Variants in VSTM4 observed in about 807,000 individuals in gnomAD.
VSTM4 encodes the protein V-set and transmembrane domain-containing protein 4.
In VSTM4, 20 loss-of-function variants were observed where a neutral mutation model predicts 36.4. That is an observed-to-expected ratio of 0.55 (90% CI 0.39 to 0.80). VSTM4 has a LOEUF of 0.80. Ranked by LOEUF, VSTM4 falls within the 30% of genes least tolerant of loss-of-function variation. The probability of loss-of-function intolerance (pLI) is 0.00; values close to 1 mark genes in which losing one functional copy is unlikely to be tolerated. For missense variants in VSTM4, 392 were observed against 404.5 expected, an observed-to-expected ratio of 0.97 and a Z score of 0.26; for synonymous variants, 182 against 173.9, an observed-to-expected ratio of 1.05 and a Z score of -0.37.
chr10:49,036,483 A>T (rs1198754617), intron 7 of VSTM4, among the ~76,000 whole-genome samples: 2 of 152,310 alleles, frequency 1.3e-5, no homozygotes, highest in African/African-American at 4.8e-5. Flanking sequence ...TTTCATGTAA[A>T]ATTTAACTGA....
At chr10:49,025,945 G>C (rs1292256950) in intron 7 of VSTM4, among the ~76,000 whole-genome samples, 2 of 152,232 alleles carry the variant, frequency 1.3e-5, no homozygotes, top group African/African-American at 4.8e-5. Context: ...TTCATGCTGG[G>C]GATGTAAGGA....
rs999918815 is a variant in VSTM4 at position 49,015,841 on chromosome 10, T to C, written c.*3809A>G. ...GCATGCAAGTGGCATGGCTCTTTTT[T>C]GTTACCACGCTGTTCCCTTCCACTT... On this transcript the variant is annotated 3_prime_UTR_variant, in exon 8 of 8. Transcript: ENST00000332853. 1 of 152,292 alleles carries C rather than the reference T, an allele frequency of 6.6e-6. No homozygotes were observed. The highest frequency in any genetic ancestry group is 1.5e-5 in the Non-Finnish European group (1 of 68,090). 9.4% of individuals were successfully genotyped at this position (152,292 alleles called of 1,614,324 possible).
chr10:49,036,109 T>C (rs1465472552), intron 7 of VSTM4, among the ~76,000 whole-genome samples: 2 of 152,174 alleles, frequency 1.3e-5, no homozygotes, highest in Non-Finnish European at 2.9e-5. Context: ...AGAGATATGA[T>C]CTTGATCACA....
rs1045101903 is a variant in VSTM4, at chr10:49,044,403, AAAAG to A, written c.837+2576_837+2579del. Among the ~76,000 whole-genome samples the A allele has an allele frequency of 4.6e-5, 7 of 151,322 alleles. No homozygotes were observed. In the East Asian group the frequency reaches 9.7e-4, roughly 21 times the overall value. ...GGAAGGAAGGAGAGAGAGAGAAAGAAAAAGAAAGAGAGAAAGAAAGAAAAAGAAA... is the reference window on the plus strand; with the variant it reads ...GGAAGGAAGGAGAGAGAGAGAAAGAAAAAGAGAGAAAGAAAGAAAAAGAAA... On this transcript the variant is annotated intron_variant, in intron 7 of 7. Coordinates refer to ENST00000332853, the MANE Select transcript of VSTM4 (RefSeq NM_001031746.5).
intron 5 of VSTM4, among the ~76,000 whole-genome samples, chr10:49,050,137 C>T (rs1181988404): frequency 6.6e-6 from 1 of 152,146 alleles, no homozygotes; most frequent in African/African-American, 2.4e-5. Context: ...TACGTGTGTC[C>T]TGATAAGGAA....
chr10:49,093,810 AGATCT>A (rs565768388), intron 2 of VSTM4, among the ~76,000 whole-genome samples: 59 of 146,366 alleles, frequency 4.0e-4, no homozygotes, highest in African/African-American at 1.5e-3. Context: ...TGCAGTGGCA[AGATCT>A]AGGTTCGCTG....
chr10:49,041,655 C>T (rs1843523636), intron 7 of VSTM4, among the ~76,000 whole-genome samples: 1 of 152,158 alleles, frequency 6.6e-6, no homozygotes, highest in South Asian at 2.1e-4. Context: ...AAAAGATTTT[C>T]ATGTTTAATG....
At chr10:49,086,661 T>C (rs1844376116) in intron 2 of VSTM4, among the ~76,000 whole-genome samples, 1 of 152,190 alleles carries the variant, frequency 6.6e-6, no homozygotes, top group South Asian at 2.1e-4. Flanking sequence ...GGTAACATCA[T>C]CATAGGTAAA....
chr10:49,115,048 G>A (rs1045813157), intron 1 of VSTM4, among the ~76,000 whole-genome samples: 2 of 152,178 alleles, frequency 1.3e-5, no homozygotes, highest in South Asian at 2.1e-4. Flanking sequence ...TTGCTGCTCC[G>A]AGGAATCTGC....
chr10:49,069,494 GC>G, intron 4 of VSTM4, among the ~76,000 whole-genome samples: 1 of 152,318 alleles, frequency 6.6e-6, no homozygotes, highest in East Asian at 1.9e-4. Flanking sequence ...CAGGCTGGGA[GC>G]CCTGCAGCCT....
intron 5 of VSTM4, among the ~76,000 whole-genome samples, chr10:49,057,781 TG>T (rs1843807246): frequency 6.6e-6 from 1 of 152,018 alleles, no homozygotes; most frequent in African/African-American, 2.4e-5. Flanking sequence ...CTTGCTCAGG[TG>T]GATGTGGGCA....
At chr10:49,110,967 T>C (rs1386538094) in intron 1 of VSTM4, among the ~76,000 whole-genome samples, 1 of 152,188 alleles carries the variant, frequency 6.6e-6, no homozygotes, top group Non-Finnish European at 1.5e-5. Context: ...GGTGGTGTGG[T>C]TAGAACTCTG....
At chr10:49,025,132 G>T (rs916770373) in intron 7 of VSTM4, among the ~76,000 whole-genome samples, 2 of 152,170 alleles carry the variant, frequency 1.3e-5, no homozygotes, top group East Asian at 3.9e-4. Flanking sequence ...AACCCTGCCA[G>T]CACCTTGAGC....
chr10:49,035,762 C>T (rs1843420167), intron 7 of VSTM4, among the ~76,000 whole-genome samples: 1 of 151,806 alleles, frequency 6.6e-6, no homozygotes, highest in South Asian at 2.1e-4. Flanking sequence ...CAGTTGAGCC[C>T]AGGAGTTTGA....
intron 7 of VSTM4, among the ~76,000 whole-genome samples, chr10:49,035,291 A>C (rs7912598): frequency 0.11 from 17,170 of 152,188 alleles, 1,263 homozygotes; most frequent in South Asian, 0.24. Flanking sequence ...AGCGCTCAAC[A>C]ATTATTGGGG....
chr10:49,064,557 T>C, intron 5 of VSTM4, 146 bp downstream of exon 5: 1 of 909,000 alleles, frequency 1.1e-6, no homozygotes, highest in Non-Finnish European at 1.7e-6. Flanking sequence ...TGCAAATGCA[T>C]GCAGGATACA....
intron 2 of VSTM4, among the ~76,000 whole-genome samples, chr10:49,097,479 A>G (rs1421954224): frequency 4.6e-5 from 7 of 152,198 alleles, no homozygotes; most frequent in African/African-American, 1.7e-4. Flanking sequence ...ACAAACCACA[A>G]TGTCTTAGAC....
chr10:49,064,746 G>T lies in VSTM4; in HGVS notation c.635-10C>A. ...ACCAAATAATGTCTCACTGTGAAAGGAAAAATAATAGAAGATGGTAAACCA... is the reference window on the plus strand; with the variant it reads ...ACCAAATAATGTCTCACTGTGAAAGTAAAAATAATAGAAGATGGTAAACCA... On this transcript the variant is annotated splice_polypyrimidine_tract_variant and intron_variant, in intron 4 of 7. Coordinates refer to ENST00000332853, the MANE Select transcript of VSTM4 (RefSeq NM_001031746.5). 1 of 1,611,328 alleles carries T rather than the reference G, an allele frequency of 6.2e-7. No individual in the cohort carries two copies. Among genetic ancestry groups the T allele is most frequent in the Non-Finnish European group, 8.5e-7 (1 of 1,178,852 alleles).
chr10:49,079,527 A>G (rs17011755), intron 3 of VSTM4, among the ~76,000 whole-genome samples: 25,726 of 152,232 alleles, frequency 0.17, 2,431 homozygotes, highest in Non-Finnish European at 0.21. Flanking sequence ...CTTAGCAAAA[A>G]TGTTTCTCTG....
Sources: allele counts gnomAD v4.1 joint callset (sites outside exome capture counted in the v4.1 genomes callset), GRCh38; gene constraint gnomAD v4.1.1; transcripts MANE v1.5; gene names NCBI Gene and HGNC (gene_info 2026-07-23, HGNC 2026-07-21).